Variants in FMNL1 observed in about 807,000 individuals in gnomAD.
The protein encoded by FMNL1 is formin like 1.
In FMNL1, 43 loss-of-function variants were observed where a neutral mutation model predicts 121.3. The ratio of observed to expected loss-of-function variants is 0.35; its 90% CI spans 0.28 to 0.46. The LOEUF (loss-of-function observed/expected upper bound fraction) is 0.46, where lower values mean the gene tolerates loss of function less well. FMNL1 is among the 20% of genes least tolerant of loss of function. FMNL1 has a pLI of 1.00. For synonymous variants in FMNL1, 613 were observed against 613.5 expected (o/e 1.00, Z 0.01); for missense variants, 1,191 against 1,482.4 (o/e 0.80, Z 3.23).
At chr17:45,242,171 C>A in intron 15 of FMNL1, 25 bp downstream of exon 15, 2 of 1,523,622 alleles carry the variant, frequency 1.3e-6, no homozygotes, top group South Asian at 1.3e-5. Context: ...CCACCTTGGG[C>A]CCGGGGCTGG....
chr17:45,238,414 G>A, intron 9 of FMNL1, 150 bp from the exon 10 acceptor site: 1 of 712,922 alleles, frequency 1.4e-6, no homozygotes, highest in Non-Finnish European at 2.4e-6. Flanking sequence ...GTGGGAGATT[G>A]AGAGGGAGTG....
At position 45,240,548 on chromosome 17, in the gene FMNL1, G is replaced by C; in HGVS notation, c.1153G>C (p.Gly385Arg). The C allele has an allele frequency of 1.2e-6, 2 of 1,613,870 alleles. No homozygotes were observed. Among genetic ancestry groups the C allele is most frequent in the Non-Finnish European group, 1.7e-6 (2 of 1,179,950 alleles). Residue 385 changes from glycine (G) to arginine (R), a missense_variant, in exon 12 of 27, where the codon GGG becomes CGG. Around this residue, in one of 4 missense-constraint regions of FMNL1, gnomAD observed 519 missense variants for 492.8 expected, o/e 1.05. Coordinates refer to ENST00000331495, the MANE Select transcript of FMNL1 (RefSeq NM_005892.4). Reference protein sequence around the residue: ...QAYLDNIFDVGALLEDTETKN... With the variant: ...QAYLDNIFDVRALLEDTETKN... ...GTACCTGGACAATATTTTTGATGTG[G>C]GGGCGCTGCTGGAGGACACAGAGAC...
rs886614769 is a variant in FMNL1 at position 45,240,927 on chromosome 17, C to A, written c.1231-202C>A. ...AGCTCAGTCTCCTCCTCTCCCTCCA[C>A]CTCCCGCATCACTGGTACCTTGGTT... On this transcript the variant is annotated intron_variant, in intron 12 of 26. Coordinates refer to ENST00000331495, the MANE Select transcript of FMNL1 (RefSeq NM_005892.4). 6 of 718,082 alleles carry A rather than the reference C, an allele frequency of 8.4e-6. No individual in the cohort carries two copies. In the East Asian group the frequency reaches 1.1e-4, roughly 13 times the overall value. 44.5% of individuals were successfully genotyped at this position (718,082 alleles called of 1,614,324 possible).
At position 45,234,204 on chromosome 17, in the gene FMNL1, T is replaced by C. The variant is rs2043501775; in HGVS notation, c.614+4T>C. On this transcript the variant is annotated splice_donor_region_variant and intron_variant, in intron 6 of 26. Coordinates refer to ENST00000331495, the MANE Select transcript of FMNL1 (RefSeq NM_005892.4). ...AAAGCCGCCACCTGACCATCAAGTATGTGGGCCACAAAGTGGGGTGGTGGG... is the reference window on the plus strand; with the variant it reads ...AAAGCCGCCACCTGACCATCAAGTACGTGGGCCACAAAGTGGGGTGGTGGG... The C allele has an allele frequency of 1.2e-6, 2 of 1,613,834 alleles. No individual in the cohort carries two copies. The highest frequency in any genetic ancestry group is 1.3e-5 in the African/African-American group (1 of 74,868).
At position 45,242,125 on chromosome 17, in the gene FMNL1, C is replaced by G. The variant is rs1311088549; in HGVS notation, c.1864C>G (p.Arg622Gly). The change falls in exon 15 of 27, where the codon CGC becomes GGC. Residue 622 changes from arginine to glycine, a missense_variant. Physicochemically the swap from Arg to Gly is moderately radical, Grantham distance 125. Around this residue, in one of 4 missense-constraint regions of FMNL1, gnomAD observed 519 missense variants for 492.8 expected, o/e 1.05. Transcript: ENST00000331495. The part of the protein sequence containing the change: ...PGGPPDALGR[R>G]DSELGPGVKA... Reference sequence around the variant, plus strand: ...AGGTCCTCCTGATGCCCTAGGAAGACGCGACTCAGAATTGGGCCCAGGTGA... The same window carrying G: ...AGGTCCTCCTGATGCCCTAGGAAGAGGCGACTCAGAATTGGGCCCAGGTGA... 2 of 1,539,112 alleles carry G rather than the reference C, an allele frequency of 1.3e-6. No individual in the cohort carries two copies. The highest frequency in any genetic ancestry group is 1.7e-6 in the Non-Finnish European group (2 of 1,142,964).
chr17:45,243,358 C>T (rs368525765), intron 17 of FMNL1, 38 bp downstream of exon 17: 10 of 1,604,714 alleles, frequency 6.2e-6, no homozygotes, highest in African/African-American at 2.7e-5. Flanking sequence ...GCAGTCCGGC[C>T]CCTTTGCTAG....
Position 45,241,847 on chromosome 17 carries a change from A to T in FMNL1, c.1586A>T (p.Asp529Val). ...PGVPTGSPSP[D>V]LAPAAEPAPG... ...CCACGCCGCGCCCTCGCTGGCTCAG[A>T]TCTCGCACCTGCAGCAGAGCCGGCT... Residue 529 changes from aspartate to valine, a missense_variant and splice_region_variant, in exon 15 of 27, where the codon GAT (aspartate) becomes GTT (valine). Transcript: ENST00000331495. This position sits in a 1 kb window ranked among gnomAD's most constrained non-coding sequence, Gnocchi z 7.0. 7.0e-7 allele frequency: 1 copy of T among 1,429,198 alleles called. No individual in the cohort carries two copies. Among genetic ancestry groups the T allele is most frequent in the Middle Eastern group, 2.6e-4 (1 of 3,908 alleles). 88.5% of individuals were successfully genotyped at this position (1,429,198 alleles called of 1,614,324 possible).
chr17:45,242,114 C>T lies in FMNL1; in HGVS notation c.1853C>T (p.Ala618Val). Residue 618 changes from alanine (A) to valine (V), a missense_variant, in exon 15 of 27, where the codon GCC becomes GTC. This residue lies in a region of FMNL1 where 519 missense variants were observed against 492.8 expected (regional missense o/e 1.05). Coordinates refer to ENST00000331495, the MANE Select transcript of FMNL1 (RefSeq NM_005892.4). ...CCGCCTCCCGGAGGTCCTCCTGATG[C>T]CCTAGGAAGACGCGACTCAGAATTG... ...PPPPPGGPPD[A>V]LGRRDSELGP... 1 of 1,538,570 alleles carries T rather than the reference C, an allele frequency of 6.5e-7. No homozygotes were observed. The highest frequency in any genetic ancestry group is 1.2e-5 in the South Asian group (1 of 83,754).
rs1598203689 is a variant in FMNL1 at position 45,240,510 on chromosome 17, T to G, written c.1115T>G (p.Val372Gly). 2 of 1,602,740 alleles carry G rather than the reference T, an allele frequency of 1.2e-6. No individual in the cohort carries two copies. Among genetic ancestry groups the G allele is most frequent in the Non-Finnish European group, 1.7e-6 (2 of 1,175,328 alleles). Residue 372 changes from valine to glycine, a missense_variant, in exon 12 of 27, where the codon GTG becomes GGG. Val to Gly is a moderately radical substitution (Grantham distance 109). This residue lies in a region of FMNL1 where 519 missense variants were observed against 492.8 expected (regional missense o/e 1.05). Transcript: ENST00000331495. Reference protein sequence around the residue: ...LRLTESDKLQVQIQAYLDNIF... With the variant: ...LRLTESDKLQGQIQAYLDNIF... ...CTCACCGAGAGTGACAAGCTGCAGG[T>G]GCAGATCCAGGCGTACCTGGACAAT... is the stretch of plus-strand genomic sequence containing the variant.
chr17:45,238,360 G>A (rs2043597246), intron 9 of FMNL1: 1 of 554,978 alleles, frequency 1.8e-6, no homozygotes, highest in East Asian at 3.1e-5. Context: ...GGGTGGGAAT[G>A]TGCCAGGATG....
chr17:45,225,996 T>TC (rs1259301242), intron 1 of FMNL1, among the ~76,000 whole-genome samples: 2 of 152,192 alleles, frequency 1.3e-5, no homozygotes, highest in Admixed American at 6.5e-5. Flanking sequence ...TCTGGTCCTC[T>TC]CCATCTCAGG....
At chr17:45,222,355 G>C (rs1417483245) in intron 1 of FMNL1, 102 bp downstream of exon 1, 1 of 980,688 alleles carries the variant, frequency 1.0e-6, no homozygotes, top group Non-Finnish European at 1.3e-6. Context: ...GGTGCCGCTT[G>C]GAGATCCCCG....
chr17:45,242,759 T>G (rs2043737160), intron 16 of FMNL1, among the ~76,000 whole-genome samples: 2 of 152,226 alleles, frequency 1.3e-5, no homozygotes, highest in African/African-American at 4.8e-5. Flanking sequence ...GCTTCAGCCC[T>G]CCTGATTCCA....
intron 6 of FMNL1, 178 bp downstream of exon 6, chr17:45,234,378 G>C: frequency 9.5e-7 from 1 of 1,047,426 alleles, no homozygotes. Flanking sequence ...AGCCATCAGG[G>C]GTGGGGCTGG....
intron 11 of FMNL1, 86 bp from the exon 12 acceptor site, chr17:45,240,390 G>T: frequency 7.0e-7 from 1 of 1,431,278 alleles, no homozygotes; most frequent in East Asian, 2.4e-5. Flanking sequence ...TCCTCTGGAT[G>T]GCAGTGGTGG....
chr17:45,223,671 A>G (rs2043274202), intron 1 of FMNL1, among the ~76,000 whole-genome samples: 1 of 152,120 alleles, frequency 6.6e-6, no homozygotes, highest in African/African-American at 2.4e-5. Flanking sequence ...GGGGAGAATG[A>G]GGAGACACAG....
At position 45,241,444 on chromosome 17, in the gene FMNL1, G is replaced by A; in HGVS notation, c.1395G>A (p.Ala465=). The change falls in exon 14 of 27, where the codon GCG becomes GCA. Residue 465 remains alanine (A), a synonymous_variant. Coordinates refer to ENST00000331495, the MANE Select transcript of FMNL1 (RefSeq NM_005892.4). The surrounding 1 kb of genome is among the most constrained non-coding windows in gnomAD (Gnocchi z 7.0). ...GGCGTCCCCCAGAGCCTGAGAAAGC[G>A]CCTCCCGCTGCCCCGACGCGGCCCT... ...PSRRPPEPEK[A]PPAAPTRPSA... is the part of the protein sequence containing the mutation. 1.3e-6 allele frequency: 2 copies of A among 1,563,574 alleles called. No homozygotes were observed. Among genetic ancestry groups the A allele is most frequent in the Non-Finnish European group, 1.7e-6 (2 of 1,154,722 alleles).
chr17:45,233,888 C>T lies in FMNL1; in HGVS notation c.485+157C>T, dbSNP rs974943804. Reference sequence around the variant, plus strand: ...TTGAGCGATGCTCCTTCCAGAAGGCCTGCCCCCGACAGGGAGGGGTGGCCT... The same window carrying T: ...TTGAGCGATGCTCCTTCCAGAAGGCTTGCCCCCGACAGGGAGGGGTGGCCT... On this transcript the variant is annotated intron_variant, in intron 5 of 26. Coordinates refer to ENST00000331495, the MANE Select transcript of FMNL1 (RefSeq NM_005892.4). This position sits in a 1 kb window ranked among gnomAD's most constrained non-coding sequence, Gnocchi z 4.1. The T allele has an allele frequency of 9.7e-5, 128 of 1,320,764 alleles. No individual in the cohort carries two copies. Among genetic ancestry groups the T allele is most frequent in the South Asian group, 2.9e-5 (2 of 69,296 alleles). The allele number at this position is 1,320,764 out of a possible 1,614,324, so 81.8% of individuals were successfully genotyped here.
In FMNL1 at chr17:45,245,302, A is replaced by G. The variant is rs1376492548; in HGVS notation, c.2778A>G (p.Leu926=). 2 of 1,614,112 alleles carry G rather than the reference A, an allele frequency of 1.2e-6. No individual in the cohort carries two copies. Among genetic ancestry groups the G allele is most frequent in the Non-Finnish European group, 1.7e-6 (2 of 1,180,042 alleles). ...ACGTGCGCTCCCTGCAGCGAGGCCTAGAGTTGACACAGAGAGAGTTTGTGC... is the reference window on the plus strand; with the variant it reads ...ACGTGCGCTCCCTGCAGCGAGGCCTGGAGTTGACACAGAGAGAGTTTGTGC... ...LADVRSLQRG[L]ELTQREFVRQ... The change falls in exon 22 of 27, where the codon CTA becomes CTG. Residue 926 remains leucine, a synonymous_variant. Coordinates refer to ENST00000331495, the MANE Select transcript of FMNL1 (RefSeq NM_005892.4).
Sources: gnomAD v4.1 joint callset for allele counts (sites outside exome capture counted in the v4.1 genomes callset) on GRCh38, gnomAD v4.1.1 for gene constraint, gnomAD v4.1.1 regional missense constraint, Gnocchi (gnomAD v3.1) non-coding constraint, MANE v1.5 for transcripts, NCBI Gene and HGNC (gene_info 2026-07-23, HGNC 2026-07-21) for gene names.